The following NAALAD2 variants were observed in gnomAD, a reference collection of about 807,000 sequenced individuals.
The protein encoded by NAALAD2 is N-acetylated-alpha-linked acidic dipeptidase 2.
Under a neutral mutation model 95.6 loss-of-function variants are expected in NAALAD2, and 89 were observed. The ratio of observed to expected loss-of-function variants is 0.93; its 90% confidence interval spans 0.78 to 1.11. NAALAD2 has a LOEUF of 1.11. NAALAD2 is among the 50% of genes least tolerant of loss of function. The pLI is 0.00. For synonymous variants in NAALAD2, 264 were observed against 294.4 expected (o/e 0.90, Z 1.06); for missense variants, 894 against 872.4 (o/e 1.02, Z -0.31).
intron 12 of NAALAD2, among the ~76,000 whole-genome samples, 187 bp from the exon 13 acceptor site, chr11:90,169,882 G>C (rs79684630): frequency 0.075 from 11,388 of 152,094 alleles, 566 homozygotes; most frequent in Non-Finnish European, 0.12. Flanking sequence ...CTACTATTCA[G>C]AATATTTGGT....
Position 90,158,223 on chromosome 11 carries a change from C to A in NAALAD2, c.875C>A (p.Ala292Glu). The change falls in exon 7 of 19, where the codon GCA becomes GAA. Residue 292 changes from alanine (A) to glutamate (E), a missense_variant. By Grantham distance (107) the Ala-to-Glu change is moderately radical. Transcript: ENST00000534061. ...IPVHPIGYND[A>E]EILLRYLGGI... is the part of the protein sequence containing the mutation. The stretch of plus-strand genomic sequence containing the variant: ...GTACATCCCATTGGATATAATGATG[C>A]AGAAATATTATTACGGTATAGTTTT... The A allele has an allele frequency of 1.2e-6, 2 of 1,605,356 alleles. No homozygotes were observed. The highest frequency in any genetic ancestry group is 1.3e-5 in the African/African-American group (1 of 74,740).
chr11:90,172,508 G>T (rs779068576), intron 13 of NAALAD2, among the ~76,000 whole-genome samples: 1 of 152,112 alleles, frequency 6.6e-6, no homozygotes, highest in Non-Finnish European at 1.5e-5. Flanking sequence ...TCAAAATCAT[G>T]TGCCAATACC....
intron 18 of NAALAD2, among the ~76,000 whole-genome samples, chr11:90,188,962 G>A (rs1857243355): frequency 6.6e-6 from 1 of 152,182 alleles, no homozygotes; most frequent in African/African-American, 2.4e-5. Context: ...ACATGACAAA[G>A]AGGAATTAAG....
chr11:90,178,937 G>A (rs1952885783), intron 16 of NAALAD2, among the ~76,000 whole-genome samples: 1 of 152,128 alleles, frequency 6.6e-6, no homozygotes, highest in African/African-American at 2.4e-5. Context: ...GACTCATAAT[G>A]CAGTGTATGT....
At chr11:90,141,665 G>T (rs988193912) in intron 2 of NAALAD2, among the ~76,000 whole-genome samples, 1 of 151,998 alleles carries the variant, frequency 6.6e-6, no homozygotes, top group African/African-American at 2.4e-5. Flanking sequence ...TCCCAGGCTG[G>T]TTTCAAACTC....
At chr11:90,134,530 G>A, upstream of NAALAD2, 1 of 538,176 alleles carries the variant, frequency 1.9e-6, no homozygotes, top group East Asian at 3.1e-5. Flanking sequence ...CAGAATGGAA[G>A]TTGCCCGCCA....
chr11:90,146,318 G>T (rs924350999), intron 2 of NAALAD2, among the ~76,000 whole-genome samples: 33 of 77,236 alleles, frequency 4.3e-4, no homozygotes, highest in South Asian at 8.4e-4. Flanking sequence ...GTTTATTTTT[G>T]TTCTACTGAT....
intron 11 of NAALAD2, chr11:90,164,302 T>A (rs1454798082): frequency 1.3e-5 from 2 of 152,252 alleles, no homozygotes; most frequent in African/African-American, 4.8e-5. Flanking sequence ...TTCCAACTTC[T>A]TCCTTTAGTC....
At chr11:90,170,970 T>C (rs1952615787) in intron 13 of NAALAD2, among the ~76,000 whole-genome samples, 2 of 152,206 alleles carry the variant, frequency 1.3e-5, no homozygotes, top group Non-Finnish European at 2.9e-5. Context: ...AAAGAATTTC[T>C]AACAAGGTTG....
chr11:90,163,513 C>T (rs199628009), intron 10 of NAALAD2, 22 bp from the exon 11 acceptor site: 11 of 1,613,122 alleles, frequency 6.8e-6, no homozygotes, highest in African/African-American at 1.3e-5. Context: ...TACCTAACCA[C>T]GTGTGTTAAC....
Position 90,147,397 on chromosome 11 carries a change from A to T in NAALAD2, c.262A>T (p.Thr88Ser), listed in dbSNP as rs1395275624. 1 of 1,614,054 alleles carries T rather than the reference A, an allele frequency of 6.2e-7. No individual in the cohort carries two copies. Among genetic ancestry groups the T allele is most frequent in the South Asian group, 1.1e-5 (1 of 91,076 alleles). Residue 88 changes from threonine (T) to serine (S), a missense_variant, in exon 3 of 19, where the codon ACC becomes TCC. Transcript: ENST00000534061. Reference sequence around the variant, plus strand: ...TTTCTTGCTTGCCAAGAAAATCCAAACCCAGTGGAAGAAATTTGGACTAGA... The same window carrying T: ...TTTCTTGCTTGCCAAGAAAATCCAATCCCAGTGGAAGAAATTTGGACTAGA... ...QNFLLAKKIQ[T>S]QWKKFGLDSA...
chr11:90,145,654 T>C (rs567494824), intron 2 of NAALAD2, among the ~76,000 whole-genome samples: 3 of 152,276 alleles, frequency 2.0e-5, no homozygotes, highest in African/African-American at 7.2e-5. Context: ...GAGAAGATGA[T>C]GCTTGAAGAG....
At chr11:90,162,877 G>T in intron 8 of NAALAD2, 72 bp from the exon 9 acceptor site, 1 of 881,038 alleles carries the variant, frequency 1.1e-6, no homozygotes, top group South Asian at 1.7e-5. Context: ...TATGAAAATA[G>T]TTTTTTATAA....
chr11:90,182,230 A>G (rs1286742456), intron 17 of NAALAD2, among the ~76,000 whole-genome samples: 4 of 152,170 alleles, frequency 2.6e-5, no homozygotes, highest in Non-Finnish European at 4.4e-5. Context: ...AATAGTTTCA[A>G]AGTACATTCA....
intron 2 of NAALAD2, among the ~76,000 whole-genome samples, chr11:90,143,843 A>G (rs955398105): frequency 3.3e-5 from 5 of 152,206 alleles, no homozygotes; most frequent in Admixed American, 6.5e-5. Context: ...TTATAGGAAC[A>G]TAACCTCACC....
In NAALAD2 at chr11:90,173,897, A is replaced by C; in HGVS notation, c.1484A>C (p.Glu495Ala). 1 of 1,612,020 alleles carries C rather than the reference A, an allele frequency of 6.2e-7. No individual in the cohort carries two copies. The change falls in exon 14 of 19, where the codon GAA becomes GCA. Residue 495 changes from glutamate to alanine, a missense_variant. Transcript: ENST00000534061. The stretch of plus-strand genomic sequence containing the variant: ...TGGTTGGAAAAAGACCCTTCACCTG[A>C]AAATAAAAATTTGCCTAGGTAAGTT... ...ESWLEKDPSP[E>A]NKNLPRINKL...
At chr11:90,156,484 C>T (rs1952122561) in intron 6 of NAALAD2, among the ~76,000 whole-genome samples, 1 of 152,090 alleles carries the variant, frequency 6.6e-6, no homozygotes, top group South Asian at 2.1e-4. Flanking sequence ...TTGTCAGAAA[C>T]TTAACTTTTT....
At position 90,134,773 on chromosome 11, in the gene NAALAD2, G is replaced by C; in HGVS notation, c.15G>C (p.Arg5Ser). The C allele has an allele frequency of 6.2e-7, 1 of 1,613,994 alleles. No homozygotes were observed. Among genetic ancestry groups the C allele is most frequent in the Non-Finnish European group, 8.5e-7 (1 of 1,180,014 alleles). Residue 5 changes from arginine to serine, a missense_variant, in exon 1 of 19, where the codon AGG (arginine) becomes AGC (serine). By Grantham distance (110) the Arg-to-Ser change is moderately radical. Transcript: ENST00000534061. MAES[R>S]GRLYLWMCLA... ...CTCAAGAAGCCATGGCGGAATCCAGGGGCCGTCTGTACCTTTGGATGTGCT... is the reference window on the plus strand; with the variant it reads ...CTCAAGAAGCCATGGCGGAATCCAGCGGCCGTCTGTACCTTTGGATGTGCT...
At chr11:90,167,967 C>T (rs371344069) in intron 11 of NAALAD2, among the ~76,000 whole-genome samples, 3 of 152,142 alleles carry the variant, frequency 2.0e-5, no homozygotes, top group South Asian at 2.1e-4. Flanking sequence ...CAGTGGCAAC[C>T]CTCTGGGGTC....
Sources: allele counts gnomAD v4.1 joint callset (sites outside exome capture counted in the v4.1 genomes callset), GRCh38; gene constraint gnomAD v4.1.1; transcripts MANE v1.5; gene names NCBI Gene and HGNC (gene_info 2026-07-23, HGNC 2026-07-21).